The following CYLD variants were observed in gnomAD, a reference collection of about 807,000 sequenced individuals.
CYLD encodes ubiquitin carboxyl-terminal hydrolase CYLD.
CYLD carries 26 observed loss-of-function variants against 104.5 expected under a neutral mutation model. The observed-to-expected ratio is 0.25, with a 90% CI of 0.18 to 0.35. The LOEUF (loss-of-function observed/expected upper bound fraction) is 0.35. Ranked by LOEUF, CYLD falls within the 10% of genes least tolerant of loss-of-function variation. The pLI, the probability that CYLD is intolerant of heterozygous loss-of-function variation, is 1.00. For synonymous variants in CYLD, 385 were observed against 399.9 expected, an observed-to-expected ratio of 0.96 and a Z score of 0.45; for missense variants, 703 against 1,136.1, an observed-to-expected ratio of 0.62 and a Z score of 5.48.
intron 4 of CYLD, among the ~76,000 whole-genome samples, chr16:50,753,874 A>G (rs1049968386): frequency 2.0e-5 from 3 of 152,240 alleles, no homozygotes; most frequent in Non-Finnish European, 2.9e-5. Context: ...AGAAGTTCAG[A>G]TGGACTATTT....
At chr16:50,746,225 A>G (rs1391091052) in intron 2 of CYLD, among the ~76,000 whole-genome samples, 1 of 152,164 alleles carries the variant, frequency 6.6e-6, no homozygotes, top group African/African-American at 2.4e-5. Context: ...TTTTGTAGAA[A>G]TGAGGTTTCA....
At chr16:50,755,834 T>C (rs185319330) in intron 5 of CYLD, among the ~76,000 whole-genome samples, 1 of 152,304 alleles carries the variant, frequency 6.6e-6, no homozygotes. Context: ...CTACTGATTA[T>C]TTCTTTTGCT....
In CYLD at chr16:50,781,192, T is replaced by C. The variant is rs1283026006; in HGVS notation, c.1519-54T>C. ...AGGTCTTAGAAACCTTAGTTCTTTGTATACTATCTCTGTAAGGCACGGTAT... is the reference window on the plus strand; with the variant it reads ...AGGTCTTAGAAACCTTAGTTCTTTGCATACTATCTCTGTAAGGCACGGTAT... On this transcript the variant is annotated intron_variant, in intron 9 of 18. Transcript: ENST00000427738. 5 of 1,600,332 alleles carry C rather than the reference T, an allele frequency of 3.1e-6. No homozygotes were observed. The African/African-American group carries it at 6.7e-5, about 21-fold the overall frequency.
intron 5 of CYLD, 141 bp from the exon 6 acceptor site, chr16:50,775,025 A>G (rs1969527566): frequency 1.5e-6 from 1 of 670,316 alleles, no homozygotes; most frequent in Non-Finnish European, 2.5e-6. Context: ...GTTACCAAGT[A>G]TTTACATATA....
intron 7 of CYLD, among the ~76,000 whole-genome samples, chr16:50,776,569 A>G (rs1377391014): frequency 1.3e-5 from 2 of 152,154 alleles, no homozygotes; most frequent in African/African-American, 2.4e-5. Context: ...ATAGTTTAGG[A>G]TTGCAACTGT....
intron 2 of CYLD, chr16:50,744,960 A>G (rs2150876914): frequency 6.6e-6 from 1 of 152,478 alleles, no homozygotes; most frequent in East Asian, 1.9e-4. Flanking sequence ...GTTCTCCTTC[A>G]TCAGCGTCCT....
Position 50,751,669 on chromosome 16 carries a change from T to C in CYLD, c.570T>C (p.Asp190=). The change falls in exon 4 of 19, where the codon GAT becomes GAC. Residue 190 remains aspartate (D), a synonymous_variant. Coordinates refer to ENST00000427738, the MANE Select transcript of CYLD (RefSeq NM_001378743.1). ...VYQGKQLFQC[D]EDCGVFVALD... Reference sequence around the variant, plus strand: ...AAGGGAAACAGCTTTTTCAGTGTGATGAAGATTGTGGCGTGTTTGTTGCAT... The same window carrying C: ...AAGGGAAACAGCTTTTTCAGTGTGACGAAGATTGTGGCGTGTTTGTTGCAT... 6.2e-7 allele frequency: 1 copy of C among 1,613,858 alleles called. No homozygotes were observed. The highest frequency in any genetic ancestry group is 8.5e-7 in the Non-Finnish European group (1 of 1,179,840).
At chr16:50,762,478 C>G (rs777198740) in intron 5 of CYLD, among the ~76,000 whole-genome samples, 119 of 151,972 alleles carry the variant, frequency 7.8e-4, no homozygotes, top group Non-Finnish European at 1.5e-3. Flanking sequence ...TGTCATTTCC[C>G]TACACTAAAG....
intron 5 of CYLD, among the ~76,000 whole-genome samples, chr16:50,765,144 T>A (rs1305079875): frequency 6.6e-6 from 1 of 152,196 alleles, no homozygotes; most frequent in African/African-American, 2.4e-5. Flanking sequence ...CAGATATGTG[T>A]TTTTTATTAA....
intron 4 of CYLD, 64 bp downstream of exon 4, chr16:50,751,970 A>G: frequency 2.0e-6 from 1 of 508,820 alleles, no homozygotes. Context: ...ATATGTATAT[A>G]TATATATAAA....
At chr16:50,772,255 G>T (rs956839495) in intron 5 of CYLD, among the ~76,000 whole-genome samples, 5 of 152,152 alleles carry the variant, frequency 3.3e-5, no homozygotes, top group African/African-American at 1.2e-4. Flanking sequence ...TATGGGATAA[G>T]AATGTAGTCA....
At chr16:50,755,418 C>T (rs753184421) in intron 5 of CYLD, among the ~76,000 whole-genome samples, 13 of 152,066 alleles carry the variant, frequency 8.5e-5, no homozygotes, top group Admixed American at 6.6e-5. Flanking sequence ...CTGGATCAAA[C>T]GCTAGAGCTA....
intron 5 of CYLD, among the ~76,000 whole-genome samples, chr16:50,755,179 GTA>G (rs1247714203): frequency 1.6e-5 from 2 of 125,356 alleles, no homozygotes; most frequent in East Asian, 2.2e-4. Flanking sequence ...ATATGTGTGT[GTA>G]TATACACACG....
chr16:50,787,682 G>A (rs572575637), intron 13 of CYLD, 104 bp from the exon 14 acceptor site: 1 of 642,204 alleles, frequency 1.6e-6, no homozygotes, highest in African/African-American at 1.8e-5. Context: ...AATATTGGAT[G>A]AATGAAACTG....
chr16:50,796,305 T>C lies in CYLD; in HGVS notation c.2687-19T>C. The stretch of plus-strand genomic sequence containing the variant: ...TAGAACTTGACTGCCCTATAAAGAG[T>C]TCTTCCTCTGTGCCATAGGTGGTCA... On this transcript the variant is annotated intron_variant, in intron 18 of 18. Transcript: ENST00000427738. 1 of 1,613,638 alleles carries C rather than the reference T, an allele frequency of 6.2e-7. No homozygotes were observed. The highest frequency in any genetic ancestry group is 1.7e-5 in the Admixed American group (1 of 60,020).
chr16:50,781,101 T>C, intron 9 of CYLD, 145 bp from the exon 10 acceptor site: 2 of 846,372 alleles, frequency 2.4e-6, no homozygotes, highest in Non-Finnish European at 3.9e-6. Context: ...ACTCAACTCC[T>C]TTTTCTTGAT....
chr16:50,742,691 G>A (rs897060469), intron 1 of CYLD, 71 bp from the exon 2 acceptor site: 15 of 397,680 alleles, frequency 3.8e-5, no homozygotes, highest in African/African-American at 2.7e-4. Context: ...TGCGGGTGTT[G>A]GTGGCTCCCG....
Position 50,784,371 on chromosome 16 carries a change from A to G in CYLD, c.1869A>G (p.Arg623=). The change falls in exon 12 of 19, where the codon AGA becomes AGG. Residue 623 remains arginine (R), a synonymous_variant. Coordinates refer to ENST00000427738, the MANE Select transcript of CYLD (RefSeq NM_001378743.1). ...CTGTTCTGGACACTGTGTTACTTAG[A>G]CCCAAAGAAAAGAACGATGTAGAAT... is the stretch of plus-strand genomic sequence containing the variant. ...FSSVLDTVLL[R]PKEKNDVEYY... is the part of the protein sequence containing the mutation. The G allele has an allele frequency of 6.2e-7, 1 of 1,613,540 alleles. No homozygotes were observed. The highest frequency in any genetic ancestry group is 2.2e-5 in the East Asian group (1 of 44,770).
intron 5 of CYLD, among the ~76,000 whole-genome samples, chr16:50,761,015 C>A (rs1400014547): frequency 6.6e-6 from 1 of 152,090 alleles, no homozygotes; most frequent in Non-Finnish European, 1.5e-5. Flanking sequence ...AATACATTTG[C>A]AAATAGAAAT....
Sources: allele counts gnomAD v4.1 joint callset (sites outside exome capture counted in the v4.1 genomes callset), GRCh38; gene constraint gnomAD v4.1.1; transcripts MANE v1.5; gene names NCBI Gene and HGNC (gene_info 2026-07-23, HGNC 2026-07-21).